Variants in WDR11 observed in about 807,000 individuals in gnomAD.
WDR11 encodes WD repeat-containing protein 11.
Under a neutral mutation model 151.2 loss-of-function variants are expected in WDR11, and 83 were observed. The observed-to-expected ratio is 0.55, with a 90% CI of 0.46 to 0.66. WDR11 has a LOEUF of 0.66. Among genes scored for constraint, WDR11 ranks in the 30% least tolerant of loss-of-function variants. The probability of loss-of-function intolerance (pLI) is 0.00; values close to 1 mark genes in which losing one functional copy is unlikely to be tolerated. For missense variants in WDR11, 1,301 were observed against 1,480.9 expected, an observed-to-expected ratio of 0.88 and a Z score of 1.99; for synonymous variants, 484 against 533.1, an observed-to-expected ratio of 0.91 and a Z score of 1.27.
chr10:120,875,093 G>A (rs764854545), intron 11 of WDR11, among the ~76,000 whole-genome samples: 35 of 152,038 alleles, frequency 2.3e-4, no homozygotes, highest in Non-Finnish European at 4.4e-4. Flanking sequence ...CTGTTAGTCT[G>A]CTGAGAATGA....
At chr10:120,900,353 C>G (rs187070991) in intron 20 of WDR11, among the ~76,000 whole-genome samples, 274 of 152,180 alleles carry the variant, frequency 1.8e-3, no homozygotes, top group Middle Eastern at 0.01. Context: ...GTGTATTGCT[C>G]TCAGGTGGCT....
intron 23 of WDR11, 119 bp from the exon 24 acceptor site, chr10:120,903,928 T>C: frequency 1.5e-6 from 1 of 683,390 alleles, no homozygotes; most frequent in Non-Finnish European, 2.5e-6. Context: ...AAGTTGATTA[T>C]CTAGTAACCT....
At chr10:120,884,854 T>A (rs1847159929) in intron 14 of WDR11, among the ~76,000 whole-genome samples, 1 of 152,178 alleles carries the variant, frequency 6.6e-6, no homozygotes, top group Non-Finnish European at 1.5e-5. Flanking sequence ...TAAAGGAATG[T>A]TCAAACTCAT....
intron 9 of WDR11, chr10:120,868,556 A>T (rs150784354): frequency 1.4e-3 from 219 of 152,336 alleles, no homozygotes; most frequent in African/African-American, 5.0e-3. Context: ...TATTCTACAT[A>T]TTACCTTGGT....
In WDR11 at chr10:120,864,993, T is replaced by C. The variant is rs1009953275; in HGVS notation, c.714-54T>C. The C allele has an allele frequency of 1.6e-5, 25 of 1,573,496 alleles. No homozygotes were observed. The Middle Eastern group carries it at 6.7e-4, about 42-fold the overall frequency. On this transcript the variant is annotated intron_variant, in intron 5 of 28. Coordinates refer to ENST00000263461, the MANE Select transcript of WDR11 (RefSeq NM_018117.12). Reference sequence around the variant, plus strand: ...GTAAAGTACAAAATTAAATCTTTTATTAGGTCTGATATAAATGAAGTCTTT... The same window carrying C: ...GTAAAGTACAAAATTAAATCTTTTACTAGGTCTGATATAAATGAAGTCTTT...
intron 16 of WDR11, 112 bp downstream of exon 16, chr10:120,886,948 CTTTA>C: frequency 8.7e-7 from 1 of 1,153,628 alleles, no homozygotes; most frequent in Non-Finnish European, 1.3e-6. Context: ...TGTAAATAAA[CTTTA>C]TTTAAGGAGA....
chr10:120,897,799 C>T (rs558434075), intron 19 of WDR11, among the ~76,000 whole-genome samples: 150 of 152,206 alleles, frequency 9.9e-4, no homozygotes, highest in Admixed American at 1.7e-3. Context: ...AATAATACAG[C>T]TGCCAGGACA....
Position 120,865,757 on chromosome 10 carries a change from C to G in WDR11, c.994+13C>G. 1 of 1,523,372 alleles carries G rather than the reference C, an allele frequency of 6.6e-7. No homozygotes were observed. The allele number at this position is 1,523,372 out of a possible 1,614,324, so 94.4% of individuals were successfully genotyped here. On this transcript the variant is annotated intron_variant, in intron 7 of 28. Transcript: ENST00000263461. ...AATGAGGAACCAGGTGAGTTTCTGT[C>G]TCACAATAATGTTATATTTTTCTTC... is the stretch of plus-strand genomic sequence containing the variant.
intron 15 of WDR11, among the ~76,000 whole-genome samples, chr10:120,886,326 A>G (rs907605572): frequency 1.3e-5 from 2 of 152,300 alleles, no homozygotes; most frequent in East Asian, 1.9e-4. Flanking sequence ...AAATTTGTGT[A>G]TCATCCCCAT....
intron 7 of WDR11, 134 bp downstream of exon 7, chr10:120,865,878 T>A (rs1846294914): frequency 1.5e-6 from 1 of 647,320 alleles, no homozygotes; most frequent in South Asian, 2.0e-5. Flanking sequence ...ATGGTTATAA[T>A]AAGAGGCATA....
At chr10:120,854,809 A>C (rs1033678822) in intron 2 of WDR11, among the ~76,000 whole-genome samples, 2 of 152,286 alleles carry the variant, frequency 1.3e-5, no homozygotes, top group African/African-American at 4.8e-5. Flanking sequence ...AGAAATGTCT[A>C]TGCAGGTCCT....
At chr10:120,851,780 T>C (rs1564933033) in intron 1 of WDR11, 2 of 549,732 alleles carry the variant, frequency 3.6e-6, no homozygotes, top group African/African-American at 3.8e-5. Flanking sequence ...GCCGTTCCAT[T>C]CCTCTCTCTT....
At chr10:120,881,581 G>A (rs1323020216) in intron 13 of WDR11, among the ~76,000 whole-genome samples, 1 of 152,020 alleles carries the variant, frequency 6.6e-6, no homozygotes, top group Non-Finnish European at 1.5e-5. Context: ...GTAGTTTTCA[G>A]TGTGTAAGTC....
intron 13 of WDR11, among the ~76,000 whole-genome samples, chr10:120,882,712 C>T (rs1220462646): frequency 6.6e-6 from 1 of 151,924 alleles, no homozygotes; most frequent in Non-Finnish European, 1.5e-5. Flanking sequence ...CTTTCCCACT[C>T]CTAATATCAG....
rs770886594 is a variant in WDR11, at chr10:120,906,783, T to C, written c.3445T>C (p.Tyr1149His). The C allele has an allele frequency of 2.8e-5, 45 of 1,614,062 alleles. No individual in the cohort carries two copies. Among genetic ancestry groups the C allele is most frequent in the Non-Finnish European group, 3.6e-5 (42 of 1,180,026 alleles). ...TTTTGTTCTGTTGAGCAGCATGAGATACTTTGATAGAGCAGCCTTATTTGT... is the reference window on the plus strand; with the variant it reads ...TTTTGTTCTGTTGAGCAGCATGAGACACTTTGATAGAGCAGCCTTATTTGT... ...SVAETLHSMR[Y>H]FDRAALFVEA... Residue 1149 changes from tyrosine to histidine, a missense_variant, in exon 28 of 29, where the codon TAC (tyrosine) becomes CAC (histidine). Tyr to His is a moderately conservative substitution (Grantham distance 83, BLOSUM62 2). This residue lies in a region of WDR11 where 589 missense variants were observed against 670.6 expected (regional missense o/e 0.88). Transcript: ENST00000263461.
intron 3 of WDR11, 119 bp from the exon 4 acceptor site, chr10:120,859,990 G>A (rs1465025137): frequency 2.7e-6 from 3 of 1,105,870 alleles, no homozygotes; most frequent in Non-Finnish European, 4.1e-6. Context: ...TCACATTTGG[G>A]GCTGGTGGTT....
intron 25 of WDR11, 141 bp downstream of exon 25, chr10:120,904,952 G>A: frequency 1.0e-6 from 1 of 993,072 alleles, no homozygotes; most frequent in Non-Finnish European, 1.5e-6. Context: ...CTATAAATCA[G>A]ATGAATATAA....
chr10:120,854,251 G>A (rs1454383354), intron 2 of WDR11, among the ~76,000 whole-genome samples: 1 of 152,052 alleles, frequency 6.6e-6, no homozygotes, highest in African/African-American at 2.4e-5. Context: ...GCCCATTCTG[G>A]GGATTTTATA....
intron 7 of WDR11, 63 bp downstream of exon 7, chr10:120,865,807 T>A: frequency 8.8e-7 from 1 of 1,138,668 alleles, no homozygotes; most frequent in Non-Finnish European, 1.3e-6. Context: ...AAGCTTGATG[T>A]GGCAAATACC....
Sources: allele counts gnomAD v4.1 joint callset (sites outside exome capture counted in the v4.1 genomes callset), GRCh38; gene constraint gnomAD v4.1.1; regional missense constraint gnomAD v4.1.1; transcripts MANE v1.5; gene names NCBI Gene and HGNC (gene_info 2026-07-23, HGNC 2026-07-21).